The following PPIC variants were observed in gnomAD, a reference collection of about 807,000 sequenced individuals.
The protein encoded by PPIC is peptidylprolyl isomerase C.
PPIC carries 19 observed loss-of-function variants against 19.5 expected under a neutral mutation model. The observed-to-expected ratio is 0.98, with a 90% CI of 0.68 to 1.43. The LOEUF is 1.43. PPIC is among the 40% of genes most tolerant of loss of function. The pLI, the probability that PPIC is intolerant of heterozygous loss-of-function variation, is 0.00. For synonymous variants in PPIC, 107 were observed against 101.2 expected (o/e 1.06, Z -0.34); for missense variants, 268 against 268.6 (o/e 1.00, Z 0.02).
intron 1 of PPIC, 136 bp from the exon 2 acceptor site, chr5:123,029,554 A>G: frequency 1.4e-6 from 2 of 1,385,990 alleles, no homozygotes; most frequent in South Asian, 4.0e-5. Context: ...GGAGCATGAC[A>G]TCAATTAAAG....
intron 1 of PPIC, among the ~76,000 whole-genome samples, chr5:123,030,457 G>C (rs1368665792): frequency 6.6e-6 from 1 of 152,068 alleles, no homozygotes. Flanking sequence ...ATATAAGAAC[G>C]GTTGTCAAAG....
chr5:123,025,672 GTCAGCTAT>G (rs1284004444), intron 4 of PPIC, 104 bp downstream of exon 4: 2 of 1,113,910 alleles, frequency 1.8e-6, no homozygotes, highest in Non-Finnish European at 1.3e-6. Flanking sequence ...GAAGAGGCCA[GTCAGCTAT>G]ATAATGGATC....
In PPIC at chr5:123,023,807, AACACAC is replaced by A. The variant is rs70988555; in HGVS notation, c.*62_*67del. On this transcript the variant is annotated 3_prime_UTR_variant, in exon 5 of 5. Transcript: ENST00000306442. ...AAAGCAAATAATTGAAAGACAACAC[AACACAC>A]ACACACACACACACACACACACACC... 2.9e-4 allele frequency: 376 copies of A among 1,294,484 alleles called. No homozygotes were observed. The highest frequency in any genetic ancestry group is 2.8e-3 in the Admixed American group (108 of 38,356). The allele number at this position is 1,294,484 out of a possible 1,614,324, so 80.2% of individuals were successfully genotyped here.
rs369098510 is a variant in PPIC at position 123,036,610 on chromosome 5, G to T, written c.16C>A (p.Arg6=). The T allele has an allele frequency of 5.0e-6, 8 of 1,590,174 alleles. No homozygotes were observed. The highest frequency in any genetic ancestry group is 3.3e-4 in the Middle Eastern group (2 of 6,038). Residue 6 remains arginine, a synonymous_variant, in exon 1 of 5, where the codon CGG becomes AGG. Coordinates refer to ENST00000306442, the MANE Select transcript of PPIC (RefSeq NM_000943.5). The surrounding 1 kb of genome is among the most constrained non-coding windows in gnomAD (Gnocchi z 4.5). ...CAAAGCACGAGAGGTAGCAGCAGCC[G>T]AGGACCCGGGCCCATGGTGAGCGGT... MGPGP[R]LLLPLVLCVG...
Position 123,036,257 on chromosome 5 carries a change from G to A in PPIC, c.117+252C>T. 1.9e-6 allele frequency: 1 copy of A among 529,898 alleles called. No individual in the cohort carries two copies. Among genetic ancestry groups the A allele is most frequent in the Non-Finnish European group, 3.4e-6 (1 of 296,430 alleles). The allele number at this position is 529,898 out of a possible 1,614,324, so 32.8% of individuals were successfully genotyped here. A position where few individuals can be genotyped will look rare whatever the true frequency, so the allele number is the denominator to read the frequency against. The stretch of plus-strand genomic sequence containing the variant: ...GCTGGTCACCTCGGACTACCGACCC[G>A]GGACAAGAAGTCCAAGCAGACTGCG... On this transcript the variant is annotated intron_variant, in intron 1 of 4. Transcript: ENST00000306442. This position sits in a 1 kb window ranked among gnomAD's most constrained non-coding sequence, Gnocchi z 4.5.
At chr5:123,025,410 T>C (rs1218188118) in intron 4 of PPIC, among the ~76,000 whole-genome samples, 1 of 152,266 alleles carries the variant, frequency 6.6e-6, no homozygotes, top group Non-Finnish European at 1.5e-5. Context: ...GTATTTGTCT[T>C]CCTACGACTG....
Position 123,028,803 on chromosome 5 carries a change from A to T in PPIC, c.297T>A (p.Gly99=), listed in dbSNP as rs1762900085. The T allele has an allele frequency of 1.2e-6, 2 of 1,613,638 alleles. No individual in the cohort carries two copies. Among genetic ancestry groups the T allele is most frequent in the Admixed American group, 3.3e-5 (2 of 59,994 alleles). ...RVIKDFMIQG[G]DITTGDGTGG... is the part of the protein sequence containing the mutation. The stretch of plus-strand genomic sequence containing the variant: ...CAGTGCCATCTCCAGTGGTGATGTC[A>T]CCTCCTTGAATCATGAAATCCTTGA... The change falls in exon 3 of 5, where the codon GGT becomes GGA. Residue 99 remains glycine, a synonymous_variant. Coordinates refer to ENST00000306442, the MANE Select transcript of PPIC (RefSeq NM_000943.5).
chr5:123,029,134 A>G, intron 2 of PPIC, 171 bp downstream of exon 2: 1 of 1,263,334 alleles, frequency 7.9e-7, no homozygotes, highest in Non-Finnish European at 1.1e-6. Context: ...AATTTCCAGA[A>G]GCCTAAGGGC....
At chr5:123,035,614 A>T (rs568104497) in intron 1 of PPIC, among the ~76,000 whole-genome samples, 1 of 152,246 alleles carries the variant, frequency 6.6e-6, no homozygotes, top group African/African-American at 2.4e-5. Flanking sequence ...ACTGATGAAG[A>T]CCACTTTCAG....
At chr5:123,031,329 C>T (rs1762938718) in intron 1 of PPIC, among the ~76,000 whole-genome samples, 1 of 152,162 alleles carries the variant, frequency 6.6e-6, no homozygotes, top group African/African-American at 2.4e-5. Flanking sequence ...CAAATGCCCC[C>T]CAAACACTGT....
chr5:123,033,413 A>C (rs1225427680), intron 1 of PPIC, among the ~76,000 whole-genome samples: 1 of 152,016 alleles, frequency 6.6e-6, no homozygotes, highest in South Asian at 2.1e-4. Context: ...TCCCATGAGA[A>C]CTGGTTTTAA....
chr5:123,024,277 C>T (rs567184182), intron 4 of PPIC, among the ~76,000 whole-genome samples: 38 of 152,298 alleles, frequency 2.5e-4, no homozygotes, highest in African/African-American at 8.9e-4. Context: ...TTTAAATAAG[C>T]ATTTTATATT....
intron 3 of PPIC, 22 bp from the exon 4 acceptor site, chr5:123,025,990 A>G: frequency 6.4e-7 from 1 of 1,571,408 alleles, no homozygotes; most frequent in South Asian, 1.2e-5. Flanking sequence ...CAAGGAAGAA[A>G]GTCAACAGAT....
chr5:123,033,776 G>C (rs1224149546), intron 1 of PPIC, among the ~76,000 whole-genome samples: 1 of 152,230 alleles, frequency 6.6e-6, no homozygotes, highest in African/African-American at 2.4e-5. Context: ...TCTAGCCACA[G>C]CCTCCTGGCC....
intron 3 of PPIC, 36 bp from the exon 4 acceptor site, chr5:123,026,004 T>C: frequency 1.9e-6 from 3 of 1,544,104 alleles, no homozygotes; most frequent in Non-Finnish European, 2.6e-6. Context: ...AACAGATGTC[T>C]TCCAAAAGTC....
rs776662400 is a variant in PPIC, at chr5:123,023,838, C to CA, written c.*36_*37insT. 3.1e-6 allele frequency: 4 copies of CA among 1,311,162 alleles called. No individual in the cohort carries two copies. The highest frequency in any genetic ancestry group is 2.5e-5 in the South Asian group (2 of 79,972). The allele number at this position is 1,311,162 out of a possible 1,614,324, so 81.2% of individuals were successfully genotyped here. On this transcript the variant is annotated 3_prime_UTR_variant, in exon 5 of 5. Transcript: ENST00000306442. ...CACACACACACACACACACACACACCCCTGCCAAAGCATATCCTTGTTTTC... is the reference window on the plus strand; with the variant it reads ...CACACACACACACACACACACACACCACCTGCCAAAGCATATCCTTGTTTTC...
At chr5:123,026,750 A>G (rs1433552500) in intron 3 of PPIC, among the ~76,000 whole-genome samples, 2 of 152,192 alleles carry the variant, frequency 1.3e-5, no homozygotes, top group Non-Finnish European at 2.9e-5. Flanking sequence ...GTTCTAGCAA[A>G]GCGGCAGGCA....
In PPIC at chr5:123,023,834, A is replaced by C. The variant is rs1276792180; in HGVS notation, c.*41T>G. ...CACACACACACACACACACACACAC[A>C]CACCCCTGCCAAAGCATATCCTTGT... On this transcript the variant is annotated 3_prime_UTR_variant, in exon 5 of 5. Transcript: ENST00000306442. 2 of 1,606,960 alleles carry C rather than the reference A, an allele frequency of 1.2e-6. No homozygotes were observed. Among genetic ancestry groups the C allele is most frequent in the Non-Finnish European group, 1.7e-6 (2 of 1,176,734 alleles).
chr5:123,028,686 C>T (rs1581873749), intron 3 of PPIC, 89 bp downstream of exon 3: 4 of 1,056,634 alleles, frequency 3.8e-6, no homozygotes, highest in Non-Finnish European at 5.6e-6. Context: ...TGTTCCTTAG[C>T]TCTGGATTTC....
Sources: gnomAD v4.1 joint callset for allele counts (sites outside exome capture counted in the v4.1 genomes callset) on GRCh38, gnomAD v4.1.1 for gene constraint, Gnocchi (gnomAD v3.1) non-coding constraint, MANE v1.5 for transcripts, NCBI Gene and HGNC (gene_info 2026-07-23, HGNC 2026-07-21) for gene names.